The following MOV10L1 variants were observed in gnomAD, a reference collection of about 807,000 sequenced individuals.
The protein encoded by MOV10L1 is RNA helicase Mov10l1.
A neutral mutation model predicts 143.8 loss-of-function variants in MOV10L1; 110 were observed. That is an observed-to-expected ratio of 0.76 (90% CI 0.66 to 0.90). The LOEUF is 0.90. Among genes scored for constraint, MOV10L1 ranks in the 40% least tolerant of loss-of-function variants. The pLI is 0.00. For synonymous variants in MOV10L1, 593 were observed against 581.1 expected (o/e 1.02, Z -0.29); for missense variants, 1,406 against 1,526.8 (o/e 0.92, Z 1.32).
intron 3 of MOV10L1, among the ~76,000 whole-genome samples, chr22:50,107,250 AT>A (rs1426871991): frequency 6.7e-6 from 1 of 148,584 alleles, no homozygotes; most frequent in African/African-American, 2.5e-5. Flanking sequence ...AATTTTTTGT[AT>A]TTTTAGTAGA....
Position 50,090,068 on chromosome 22 carries a change from A to ACGGCGGTGACGGCGGTGACGGCG in MOV10L1, c.-21_-20insCGGCGGTGACGGCGGTGACGGCG, listed in dbSNP as rs781400852. 55 of 1,240,660 alleles carry ACGGCGGTGACGGCGGTGACGGCG rather than the reference A, an allele frequency of 4.4e-5. No individual in the cohort carries two copies. The African/African-American group carries it at 7.7e-4, about 17-fold the overall frequency. 76.9% of individuals were successfully genotyped at this position (1,240,660 alleles called of 1,614,324 possible). On this transcript the variant is annotated 5_prime_UTR_variant, in exon 1 of 27. Transcript: ENST00000262794. The stretch of plus-strand genomic sequence containing the variant: ...GGGCGGCGGCAGCGGCGGTGACGGC[A>ACGGCGGTGACGGCGGTGACGGCG]GCCTAGGCCGGGCGAGGGCCATGCT...
Position 50,142,164 on chromosome 22 carries a change from C to T in MOV10L1, c.2154C>T (p.Pro718=). The change falls in exon 16 of 27, where the codon CCC becomes CCT. Residue 718 remains proline, a synonymous_variant. Transcript: ENST00000262794. ...VGDKDLPVLA[P]FTAEMSDWVD... ...ACAAGGACCTGCCGGTGCTGGCACC[C>T]TTTACTGCAGAGATGAGCGATTGGG... 1 of 1,613,142 alleles carries T rather than the reference C, an allele frequency of 6.2e-7. No individual in the cohort carries two copies. Among genetic ancestry groups the T allele is most frequent in the Non-Finnish European group, 8.5e-7 (1 of 1,179,534 alleles).
intron 26 of MOV10L1, 105 bp downstream of exon 26, chr22:50,161,160 C>G (rs2147042105): frequency 8.0e-7 from 1 of 1,249,250 alleles, no homozygotes; most frequent in Non-Finnish European, 1.2e-6. Context: ...CACCTGCAGC[C>G]TTAGCCCTCT....
chr22:50,113,054 A>C (rs192380752), intron 5 of MOV10L1, among the ~76,000 whole-genome samples: 164 of 152,306 alleles, frequency 1.1e-3, no homozygotes, highest in African/African-American at 3.8e-3. Context: ...GGGAAGTGGC[A>C]TGAGGCAGGT....
chr22:50,158,621 A>G lies in MOV10L1; in HGVS notation c.3216+415A>G, dbSNP rs754745350. 1.9e-4 allele frequency: 31 copies of G among 162,036 alleles called. No homozygotes were observed. Among genetic ancestry groups the G allele is most frequent in the Admixed American group, 4.4e-4 (7 of 16,036 alleles). The allele number at this position is 162,036 out of a possible 1,614,324, so 10.0% of individuals were successfully genotyped here. A position where few individuals can be genotyped will look rare whatever the true frequency, so the allele number is the denominator to read the frequency against. On this transcript the variant is annotated intron_variant, in intron 23 of 26. Coordinates refer to ENST00000262794, the MANE Select transcript of MOV10L1 (RefSeq NM_018995.3). The surrounding 1 kb of genome is among the most constrained non-coding windows in gnomAD (Gnocchi z 5.0). The stretch of plus-strand genomic sequence containing the variant: ...AGGAGAGTTAGCGTCCCCAGGCCCC[A>G]GGGGCTGGTCCCAGGAAGCATCTCC...
At chr22:50,135,040 G>A (rs2062784870) in intron 15 of MOV10L1, among the ~76,000 whole-genome samples, 1 of 149,600 alleles carries the variant, frequency 6.7e-6, no homozygotes, top group African/African-American at 2.5e-5. Flanking sequence ...TTGAGACAGA[G>A]TCTCGCTCTG....
At chr22:50,128,323 C>G (rs1472951761) in intron 12 of MOV10L1, 93 bp from the exon 13 acceptor site, 3 of 730,774 alleles carry the variant, frequency 4.1e-6, no homozygotes, top group Non-Finnish European at 7.1e-6. Context: ...AATTTTAGCT[C>G]AGAGCTATAG....
At chr22:50,125,598 G>T in intron 11 of MOV10L1, 29 bp downstream of exon 11, 2 of 1,602,680 alleles carry the variant, frequency 1.2e-6, no homozygotes, top group Non-Finnish European at 1.7e-6. Context: ...TGCTTCCCTG[G>T]GTGGACTAGC....
chr22:50,135,750 C>CAAAA (rs1242001364), intron 15 of MOV10L1, among the ~76,000 whole-genome samples: 2 of 56,518 alleles, frequency 3.5e-5, no homozygotes, highest in African/African-American at 1.4e-4. Flanking sequence ...GACTCCATCT[C>CAAAA]AAAAAAAAAA....
intron 10 of MOV10L1, among the ~76,000 whole-genome samples, chr22:50,120,998 G>C (rs988517473): frequency 6.6e-6 from 1 of 152,216 alleles, no homozygotes; most frequent in Non-Finnish European, 1.5e-5. Context: ...GCAGGGCAAG[G>C]GTCCAGGGGA....
intron 9 of MOV10L1, among the ~76,000 whole-genome samples, chr22:50,119,429 G>C (rs1403569682): frequency 1.3e-5 from 2 of 152,084 alleles, no homozygotes; most frequent in Non-Finnish European, 2.9e-5. Context: ...TTGGCTCTTA[G>C]CTAGAGCAGA....
At chr22:50,151,954 C>T (rs899225861) in intron 21 of MOV10L1, among the ~76,000 whole-genome samples, 2 of 152,264 alleles carry the variant, frequency 1.3e-5, no homozygotes, top group African/African-American at 4.8e-5. Context: ...AGGCTGCATG[C>T]TTCCTTTCTC....
At position 50,161,043 on chromosome 22, in the gene MOV10L1, A is replaced by G. The variant is rs147087173; in HGVS notation, c.3542A>G (p.Gln1181Arg). The G allele has an allele frequency of 1.5e-4, 249 of 1,614,068 alleles. No homozygotes were observed. The African/African-American group carries it at 2.5e-3, about 16-fold the overall frequency. ...YMGCDLPPAL[Q>R]SLQNCGEGVA... ...GGATGCGATTTACCTCCTGCACTGC[A>G]GTCTCTGCAAAAGTGAGCGCTTCTG... Residue 1181 changes from glutamine to arginine, a missense_variant, in exon 26 of 27, where the codon CAG (glutamine) becomes CGG (arginine). Gln to Arg is a conservative substitution (Grantham distance 43, BLOSUM62 1). Coordinates refer to ENST00000262794, the MANE Select transcript of MOV10L1 (RefSeq NM_018995.3).
At chr22:50,106,118 C>G (rs904855212) in intron 3 of MOV10L1, among the ~76,000 whole-genome samples, 1 of 152,110 alleles carries the variant, frequency 6.6e-6, no homozygotes, top group South Asian at 2.1e-4. Context: ...AAATATTTCT[C>G]CTTCAATAGA....
chr22:50,110,405 C>T (rs1470002617), intron 5 of MOV10L1, among the ~76,000 whole-genome samples: 3 of 150,974 alleles, frequency 2.0e-5, no homozygotes, highest in African/African-American at 7.3e-5. Flanking sequence ...GCCGAGATCG[C>T]GCCACTGCAC....
At chr22:50,128,122 T>C (rs556485708) in intron 12 of MOV10L1, among the ~76,000 whole-genome samples, 17 of 152,262 alleles carry the variant, frequency 1.1e-4, no homozygotes, top group Admixed American at 2.6e-4. Context: ...GCTACCCTTG[T>C]GGTTGTTTTG....
chr22:50,092,302 C>T, intron 2 of MOV10L1, 117 bp downstream of exon 2: 2 of 876,696 alleles, frequency 2.3e-6, no homozygotes, highest in South Asian at 3.4e-5. Context: ...TGGAATGTAC[C>T]TTCAAGGGGA....
At chr22:50,135,078 A>G (rs956596001) in intron 15 of MOV10L1, among the ~76,000 whole-genome samples, 5 of 91,888 alleles carry the variant, frequency 5.4e-5, no homozygotes, top group Non-Finnish European at 1.0e-4. Context: ...CAGTGGTGCA[A>G]TCTTGGCTCA....
chr22:50,144,625 A>G (rs557404283), intron 18 of MOV10L1, among the ~76,000 whole-genome samples: 2 of 150,812 alleles, frequency 1.3e-5, no homozygotes, highest in East Asian at 3.9e-4. Flanking sequence ...TGTGTCGCCC[A>G]GGCTGAAGTG....
Sources: gnomAD v4.1 joint callset for allele counts (sites outside exome capture counted in the v4.1 genomes callset) on GRCh38, gnomAD v4.1.1 for gene constraint, Gnocchi (gnomAD v3.1) non-coding constraint, MANE v1.5 for transcripts, NCBI Gene and HGNC (gene_info 2026-07-23, HGNC 2026-07-21) for gene names.